IL1RAPL1: variants seen among roughly 807,000 people sequenced by gnomAD.
IL1RAPL1 encodes interleukin-1 receptor accessory protein-like 1.
IL1RAPL1 carries 3 observed loss-of-function variants against 48.4 expected under a neutral mutation model. The observed-to-expected ratio is 0.06, with a 90% confidence interval of 0.03 to 0.16. IL1RAPL1 has a LOEUF of 0.16. Ranked by LOEUF, IL1RAPL1 falls within the 10% of genes least tolerant of loss-of-function variation. The probability of loss-of-function intolerance (pLI) is 1.00; values close to 1 mark genes in which losing one functional copy is unlikely to be tolerated. For missense variants in IL1RAPL1, 349 were observed against 530.6 expected (o/e 0.66, Z 3.36); for synonymous variants, 185 against 187.7 (o/e 0.99, Z 0.12).
At chrX:29,236,545 C>CTTTTTTTTT (rs754996544) in intron 2 of IL1RAPL1, among the ~76,000 whole-genome samples, 10 of 63,175 alleles carry the variant, frequency 1.6e-4, no homozygotes, top group East Asian at 1.0e-3. Flanking sequence ...CTTTTTTTTT[C>CTTTTTTTTT]TTTTTTTTTT....
At chrX:29,716,781 A>G (rs756694193) in intron 6 of IL1RAPL1, among the ~76,000 whole-genome samples, 4 of 111,922 alleles carry the variant, frequency 3.6e-5, no homozygotes, top group Non-Finnish European at 7.5e-5. Flanking sequence ...TCTCAGGGTC[A>G]CTTAAAAATG....
At chrX:28,764,883 G>A (rs1199760295) in intron 1 of IL1RAPL1, among the ~76,000 whole-genome samples, 1 of 110,216 alleles carries the variant, frequency 9.1e-6, no homozygotes, top group Non-Finnish European at 1.9e-5. Flanking sequence ...TTTCACAATA[G>A]CAAAGACTCG....
chrX:29,756,946 G>T (rs1001684517), intron 6 of IL1RAPL1, among the ~76,000 whole-genome samples: 5 of 111,506 alleles, frequency 4.5e-5, no homozygotes, highest in African/African-American at 1.6e-4. Flanking sequence ...TGAAGCCAGT[G>T]ATTGAGTGCT....
At chrX:28,971,907 T>TGTGTG (rs2147369441) in intron 2 of IL1RAPL1, among the ~76,000 whole-genome samples, 1 of 108,636 alleles carries the variant, frequency 9.2e-6, no homozygotes, top group South Asian at 4.0e-4. Flanking sequence ...TGTGTGTGTG[T>TGTGTG]GTGTGTGTGT....
At chrX:28,861,203 C>T (rs1234685052) in intron 2 of IL1RAPL1, among the ~76,000 whole-genome samples, 2 of 111,559 alleles carry the variant, frequency 1.8e-5, no homozygotes, top group African/African-American at 6.5e-5. Flanking sequence ...AAAGGGCGCT[C>T]AATATGTCTT....
At chrX:29,529,797 A>G (rs769198773) in intron 5 of IL1RAPL1, among the ~76,000 whole-genome samples, 1 of 111,103 alleles carries the variant, frequency 9.0e-6, no homozygotes, top group East Asian at 2.8e-4. Flanking sequence ...AAAAAATACT[A>G]TATGTGATTG....
intron 1 of IL1RAPL1, among the ~76,000 whole-genome samples, chrX:28,748,064 A>G: frequency 9.0e-6 from 1 of 111,726 alleles, no homozygotes. Flanking sequence ...AAATTCCTTA[A>G]TTTGTTTTTG....
chrX:29,290,763 C>T (rs1257654715), intron 3 of IL1RAPL1, among the ~76,000 whole-genome samples: 1 of 111,585 alleles, frequency 9.0e-6, no homozygotes, highest in Non-Finnish European at 1.9e-5. Context: ...TTCTGAGGGC[C>T]TCTCCATGTG....
chrX:29,560,838 T>A (rs1922171036), intron 5 of IL1RAPL1, among the ~76,000 whole-genome samples: 1 of 112,356 alleles, frequency 8.9e-6, no homozygotes. Context: ...GAATTATTTG[T>A]CAGGCAGTTC....
intron 1 of IL1RAPL1, among the ~76,000 whole-genome samples, chrX:28,748,137 T>A (rs2146956336): frequency 8.9e-6 from 1 of 112,390 alleles, no homozygotes; most frequent in African/African-American, 3.2e-5. Context: ...GTTTTCTATT[T>A]TCTATTTTTA....
At chrX:28,691,683 GTCTTTCTCTCTT>G (rs1369153325) in intron 1 of IL1RAPL1, among the ~76,000 whole-genome samples, 6 of 111,134 alleles carry the variant, frequency 5.4e-5, no homozygotes, top group Non-Finnish European at 1.1e-4. Context: ...CTTCTATCCT[GTCTTTCTCTCTT>G]TCTTTCTCCC....
intron 3 of IL1RAPL1, among the ~76,000 whole-genome samples, chrX:29,347,390 C>CT (rs778833024): frequency 0.055 from 5,284 of 96,401 alleles, 447 homozygotes; most frequent in African/African-American, 0.19. Flanking sequence ...CTTTTCTTTT[C>CT]TTTTTTTTTT....
chrX:28,928,078 C>T (rs940910072), intron 2 of IL1RAPL1, among the ~76,000 whole-genome samples: 1 of 110,482 alleles, frequency 9.1e-6, no homozygotes, highest in Non-Finnish European at 1.9e-5. Context: ...GATTTTTTTC[C>T]ATCAGACCTC....
intron 2 of IL1RAPL1, among the ~76,000 whole-genome samples, chrX:28,896,071 A>T (rs1312171558): frequency 5.4e-5 from 6 of 111,775 alleles, no homozygotes; most frequent in Admixed American, 4.7e-4. Flanking sequence ...CTGGGGGAGG[A>T]GGTTCTGGAG....
rs148103407 is a variant in IL1RAPL1 at position 29,875,890 on chromosome X, G to A, written c.779-41574G>A. On this transcript the variant is annotated intron_variant, in intron 6 of 10. Transcript: ENST00000378993. ...CAGGTACTGACCAGCCCCAGTTCAC[G>A]TTTGTTTCTGCCCTCTTGGGCTGTG... 3.5e-3 allele frequency among the ~76,000 whole-genome samples: 388 copies of A among 111,269 alleles called. 2 individuals are homozygous for A. The highest frequency in any genetic ancestry group is 0.011 in the African/African-American group (352 of 30,852).
intron 9 of IL1RAPL1, among the ~76,000 whole-genome samples, chrX:29,945,215 A>T (rs1238650286): frequency 8.9e-6 from 1 of 111,743 alleles, no homozygotes; most frequent in Non-Finnish European, 1.9e-5. Context: ...AGAGCCTCCT[A>T]TACATGCTTT....
chrX:28,704,831 C>CAAAAAAAAAAAA (rs1179973377), intron 1 of IL1RAPL1, among the ~76,000 whole-genome samples: 1 of 29,646 alleles, frequency 3.4e-5, no homozygotes, highest in African/African-American at 1.6e-4. Context: ...CACACACACA[C>CAAAAAAAAAAAA]AAAAAAAAAA....
At chrX:29,443,772 T>A (rs1405935471) in intron 5 of IL1RAPL1, among the ~76,000 whole-genome samples, 1 of 111,889 alleles carries the variant, frequency 8.9e-6, no homozygotes, top group Non-Finnish European at 1.9e-5. Context: ...TCAACTTATG[T>A]GTCTGCAAGT....
intron 3 of IL1RAPL1, among the ~76,000 whole-genome samples, chrX:29,370,298 A>G (rs1933525866): frequency 9.2e-6 from 1 of 109,137 alleles, no homozygotes. Context: ...TTAATTTCAT[A>G]GTTCAAGACC....
Sources: gnomAD v4.1 joint callset for allele counts (sites outside exome capture counted in the v4.1 genomes callset) on GRCh38, gnomAD v4.1.1 for gene constraint, MANE v1.5 for transcripts, NCBI Gene and HGNC (gene_info 2026-07-23, HGNC 2026-07-21) for gene names.